Variants in TRPM7 observed in about 807,000 individuals in gnomAD.
TRPM7 encodes transient receptor potential cation channel subfamily M member 7, also known as LTRPC ion channel family member 7.
TRPM7 carries 134 observed loss-of-function variants against 229.7 expected under a neutral mutation model. That is an observed-to-expected ratio of 0.58 (90% CI 0.51 to 0.67). The LOEUF is 0.67. Ranked by LOEUF, TRPM7 falls within the 30% of genes least tolerant of loss-of-function variation. TRPM7 has a pLI of 0.00. For missense variants in TRPM7, 1,901 were observed against 2,210.0 expected (o/e 0.86, Z 2.80); for synonymous variants, 699 against 715.2 (o/e 0.98, Z 0.36).
chr15:50,668,340 C>G (rs879572697), intron 1 of TRPM7, among the ~76,000 whole-genome samples: 1 of 152,094 alleles, frequency 6.6e-6, no homozygotes, highest in African/African-American at 2.4e-5. Context: ...CGTCGCTGAT[C>G]CTTTATTTTG....
At chr15:50,578,722 CATTTA>C in intron 30 of TRPM7, 58 bp from the exon 31 acceptor site, 1 of 1,335,768 alleles carries the variant, frequency 7.5e-7, no homozygotes, top group Non-Finnish European at 1.0e-6. Flanking sequence ...TTTTGGCTAT[CATTTA>C]ATTTTTTGAT....
At chr15:50,671,460 T>G (rs771791714) in intron 1 of TRPM7, among the ~76,000 whole-genome samples, 6 of 152,184 alleles carry the variant, frequency 3.9e-5, no homozygotes, top group Non-Finnish European at 7.3e-5. Flanking sequence ...AGGTCAATGA[T>G]GGACCGCATA....
At chr15:50,596,564 A>T (rs2059638255) in intron 22 of TRPM7, among the ~76,000 whole-genome samples, 183 bp from the exon 23 acceptor site, 1 of 152,178 alleles carries the variant, frequency 6.6e-6, no homozygotes. Context: ...CCAGCTTAAG[A>T]GTGTTCAAAC....
chr15:50,686,140 C>T (rs1235449231), intron 1 of TRPM7, among the ~76,000 whole-genome samples: 4 of 152,206 alleles, frequency 2.6e-5, no homozygotes, highest in Non-Finnish European at 4.4e-5. Flanking sequence ...TATCTGCCAG[C>T]AACTGGCGCC....
intron 38 of TRPM7, among the ~76,000 whole-genome samples, chr15:50,569,524 T>A (rs1349475834): frequency 1.3e-5 from 2 of 152,182 alleles, no homozygotes; most frequent in Non-Finnish European, 2.9e-5. Context: ...GTTCTGTTTT[T>A]TCCTCTCTCT....
rs550010252 is a variant in TRPM7, at chr15:50,646,072, G to A, written c.322-2519C>T. Among the ~76,000 whole-genome samples, 19 of 149,594 alleles carry A rather than the reference G, an allele frequency of 1.3e-4. No individual in the cohort carries two copies. In the South Asian group the frequency reaches 2.8e-3, roughly 22 times the overall value. On this transcript the variant is annotated intron_variant, in intron 4 of 38. Transcript: ENST00000646667. The stretch of plus-strand genomic sequence containing the variant: ...GCAGAGGTTGCAGTGAGCTGAGATC[G>A]CGCCACTGCACTCCAGCCTGGGCAA...
At chr15:50,665,546 A>C (rs2061858053) in intron 1 of TRPM7, among the ~76,000 whole-genome samples, 1 of 152,210 alleles carries the variant, frequency 6.6e-6, no homozygotes, top group African/African-American at 2.4e-5. Context: ...TCAACACTTT[A>C]TATAACTTGA....
chr15:50,594,568 C>T lies in TRPM7; in HGVS notation c.3336G>A (p.Lys1112=), dbSNP rs756225460. The T allele has an allele frequency of 1.2e-6, 2 of 1,610,858 alleles. No individual in the cohort carries two copies. The highest frequency in any genetic ancestry group is 1.7e-6 in the Non-Finnish European group (2 of 1,178,708). The change falls in exon 24 of 39, where the codon AAG becomes AAA. Residue 1112 remains lysine, a synonymous_variant. Transcript: ENST00000646667. The part of the protein sequence containing the change: ...QVKAISNIVW[K]YQRYHFIMAY... ...CCATAATAAAATGATAACGCTGGTACTTCCATACAATATTGGAAATTGCCT... is the reference window on the plus strand; with the variant it reads ...CCATAATAAAATGATAACGCTGGTATTTCCATACAATATTGGAAATTGCCT...
At chr15:50,576,385 C>A (rs2054138045) in intron 31 of TRPM7, among the ~76,000 whole-genome samples, 2 of 152,088 alleles carry the variant, frequency 1.3e-5, no homozygotes, top group African/African-American at 2.4e-5. Flanking sequence ...TGCAAGAAGA[C>A]AAAGACAAGT....
At chr15:50,644,491 C>A (rs1412854212) in intron 4 of TRPM7, among the ~76,000 whole-genome samples, 1 of 152,148 alleles carries the variant, frequency 6.6e-6, no homozygotes, top group African/African-American at 2.4e-5. Flanking sequence ...TACTGAAAAT[C>A]TCAGTACTGA....
chr15:50,562,749 G>C (rs1294946366), intron 38 of TRPM7, among the ~76,000 whole-genome samples: 2 of 151,296 alleles, frequency 1.3e-5, no homozygotes, highest in Non-Finnish European at 2.9e-5. Context: ...CTTCAACCTG[G>C]GCGACAGAGT....
intron 31 of TRPM7, among the ~76,000 whole-genome samples, chr15:50,578,358 G>C (rs995616697): frequency 6.6e-6 from 1 of 152,166 alleles, no homozygotes; most frequent in Admixed American, 6.5e-5. Context: ...AGTTTCATTT[G>C]TTAAAACAGA....
intron 1 of TRPM7, among the ~76,000 whole-genome samples, chr15:50,680,625 T>A (rs1417841727): frequency 1.3e-5 from 2 of 151,944 alleles, no homozygotes; most frequent in Admixed American, 6.6e-5. Context: ...GTCCTAAGGT[T>A]AATACACAGA....
Position 50,558,496 on chromosome 15 carries a change from C to G in TRPM7, c.*3182G>C, listed in dbSNP as rs543630442. 6.6e-6 allele frequency: 1 copy of G among 152,324 alleles called. No homozygotes were observed. Among genetic ancestry groups the G allele is most frequent in the Non-Finnish European group, 1.5e-5 (1 of 68,092 alleles). The allele number at this position is 152,324 out of a possible 1,614,324, so 9.4% of individuals were successfully genotyped here. On this transcript the variant is annotated 3_prime_UTR_variant, in exon 39 of 39. Transcript: ENST00000646667. Reference sequence around the variant, plus strand: ...TCACTTGAGGTCAGGAGTTTGAGATCAGCCTGGCCAACAAGGTGAAACCTT... The same window carrying G: ...TCACTTGAGGTCAGGAGTTTGAGATGAGCCTGGCCAACAAGGTGAAACCTT...
chr15:50,633,079 CT>C, intron 8 of TRPM7, 87 bp from the exon 9 acceptor site: 2 of 1,227,442 alleles, frequency 1.6e-6, no homozygotes, highest in Non-Finnish European at 2.2e-6. Flanking sequence ...CATGTAAGAC[CT>C]TTGAAAATAA....
intron 38 of TRPM7, among the ~76,000 whole-genome samples, chr15:50,565,828 GTTTT>G: frequency 6.9e-6 from 1 of 145,858 alleles, no homozygotes; most frequent in Non-Finnish European, 1.5e-5. Context: ...AACTCTTTTT[GTTTT>G]TTTTTTTTTG....
At chr15:50,683,895 ACT>A (rs1233701337) in intron 1 of TRPM7, among the ~76,000 whole-genome samples, 10 of 151,722 alleles carry the variant, frequency 6.6e-5, no homozygotes, top group Middle Eastern at 3.4e-3. Context: ...TTTGAGAAAG[ACT>A]CTCACCCAGG....
intron 28 of TRPM7, among the ~76,000 whole-genome samples, chr15:50,585,609 C>A (rs2059321818): frequency 6.6e-6 from 1 of 152,102 alleles, no homozygotes; most frequent in African/African-American, 2.4e-5. Context: ...TGCATTATCA[C>A]AATTATATTT....
chr15:50,559,505 A>G lies in TRPM7; in HGVS notation c.*2173T>C, dbSNP rs1596030267. Reference sequence around the variant, plus strand: ...ACCATGCCCCACCAAGACAAACAAAACAAAACAAAACAAAACAAAACAAAA... The same window carrying G: ...ACCATGCCCCACCAAGACAAACAAAGCAAAACAAAACAAAACAAAACAAAA... On this transcript the variant is annotated 3_prime_UTR_variant, in exon 39 of 39. Coordinates refer to ENST00000646667, the MANE Select transcript of TRPM7 (RefSeq NM_017672.6). 1.5e-5 allele frequency: 1 copy of G among 68,100 alleles called. No homozygotes were observed. Among genetic ancestry groups the G allele is most frequent in the Non-Finnish European group, 4.2e-5 (1 of 23,992 alleles). The allele number at this position is 68,100 out of a possible 1,614,324, so 4.2% of individuals were successfully genotyped here. A position where few individuals can be genotyped will look rare whatever the true frequency, so the allele number is the denominator to read the frequency against.
Sources: gnomAD v4.1 joint callset for allele counts (sites outside exome capture counted in the v4.1 genomes callset) on GRCh38, gnomAD v4.1.1 for gene constraint, MANE v1.5 for transcripts, NCBI Gene and HGNC (gene_info 2026-07-23, HGNC 2026-07-21) for gene names.